Variants in CCDC171 observed in about 807,000 individuals in gnomAD.
CCDC171 encodes coiled-coil domain-containing protein 171.
CCDC171 carries 177 observed loss-of-function variants against 168.2 expected under a neutral mutation model. The observed-to-expected ratio is 1.05, with a 90% CI of 0.93 to 1.19. The LOEUF is 1.19. Ranked by LOEUF, CCDC171 falls within the 50% of genes most tolerant of loss-of-function variation. The pLI, the probability that CCDC171 is intolerant of heterozygous loss-of-function variation, is 0.00. For synonymous variants in CCDC171, 687 were observed against 540.8 expected, an observed-to-expected ratio of 1.27 and a Z score of -3.75; for missense variants, 1,991 against 1,539.0, an observed-to-expected ratio of 1.29 and a Z score of -4.91.
chr9:15,884,488 T>A (rs1819127965), intron 24 of CCDC171, among the ~76,000 whole-genome samples: 1 of 152,178 alleles, frequency 6.6e-6, no homozygotes, highest in Non-Finnish European at 1.5e-5. Flanking sequence ...TCTGTGCAAT[T>A]TACTGTATGT....
intron 10 of CCDC171, among the ~76,000 whole-genome samples, chr9:15,693,947 CT>C (rs2051017431): frequency 6.6e-6 from 1 of 152,016 alleles, no homozygotes; most frequent in Non-Finnish European, 1.5e-5. Context: ...AGGCTTACTC[CT>C]TCTTTAACCT....
intron 6 of CCDC171, among the ~76,000 whole-genome samples, chr9:16,029,320 A>G (rs1011540109): frequency 1.5e-5 from 2 of 134,898 alleles, no homozygotes; most frequent in Non-Finnish European, 3.3e-5. Flanking sequence ...GTCTTAGATG[A>G]TTCAGACATC....
chr9:15,756,968 A>G (rs1049057347), intron 18 of CCDC171, among the ~76,000 whole-genome samples: 1 of 152,166 alleles, frequency 6.6e-6, no homozygotes, highest in Non-Finnish European at 1.5e-5. Context: ...TATAAATCCA[A>G]TAAACCTCTT....
chr9:15,605,453 G>C (rs1202858396), intron 6 of CCDC171, among the ~76,000 whole-genome samples: 1 of 149,982 alleles, frequency 6.7e-6, no homozygotes, highest in Non-Finnish European at 1.5e-5. Context: ...GCTGAGGCGG[G>C]CAGATCATGA....
chr9:15,770,871 A>G (rs1439686900), intron 18 of CCDC171, among the ~76,000 whole-genome samples: 1 of 152,200 alleles, frequency 6.6e-6, no homozygotes, highest in Non-Finnish European at 1.5e-5. Flanking sequence ...AACCATTCTT[A>G]ACATTTTGAT....
chr9:15,865,089 A>G (rs76310517), intron 23 of CCDC171, among the ~76,000 whole-genome samples: 2,239 of 152,164 alleles, frequency 0.015, 51 homozygotes, highest in African/African-American at 0.048. Flanking sequence ...TAAAAACTCC[A>G]TAAGACCTTG....
intron 21 of CCDC171, among the ~76,000 whole-genome samples, chr9:15,837,064 C>T (rs1266626202): frequency 6.6e-6 from 1 of 152,130 alleles, no homozygotes. Flanking sequence ...TAGTTATCTC[C>T]GGGAGTCATA....
chr9:15,607,970 A>G (rs1323394523), intron 6 of CCDC171, among the ~76,000 whole-genome samples: 1 of 152,148 alleles, frequency 6.6e-6, no homozygotes, highest in Non-Finnish European at 1.5e-5. Context: ...GGAGGCTGAG[A>G]CATCTAATGT....
At chr9:15,681,298 G>C (rs2050025389) in intron 10 of CCDC171, among the ~76,000 whole-genome samples, 1 of 152,068 alleles carries the variant, frequency 6.6e-6, no homozygotes, top group Non-Finnish European at 1.5e-5. Flanking sequence ...TGCCGAATGG[G>C]ATGTTCGAAA....
rs114625663 is a variant in CCDC171, at chr9:15,823,505, A to G, written c.3268-23197A>G. Among the ~76,000 whole-genome samples the G allele has an allele frequency of 1.7e-3, 259 of 152,244 alleles. 3 individuals carry two copies. Among genetic ancestry groups the G allele is most frequent in the African/African-American group, 6.1e-3 (253 of 41,572 alleles). On this transcript the variant is annotated intron_variant, in intron 21 of 25. Transcript: ENST00000380701. ...ATTACTGAGCACATATACCTTGGCT[A>G]GGCACATTGCAAGGCACTTCATATT...
At chr9:15,930,917 A>G (rs899226886) in intron 25 of CCDC171, among the ~76,000 whole-genome samples, 1 of 151,680 alleles carries the variant, frequency 6.6e-6, no homozygotes, top group Admixed American at 6.6e-5. Context: ...CAGTCAGGGT[A>G]GTTAGTGTAT....
rs148618243 is a variant in CCDC171, at chr9:15,797,215, A to T, written c.3267+12521A>T. 1.0e-3 allele frequency among the ~76,000 whole-genome samples: 153 copies of T among 152,176 alleles called. 2 individuals are homozygous for T. The highest frequency in any genetic ancestry group is 3.4e-3 in the African/African-American group (140 of 41,532). ...ATCTGTTCAAACCATGTGATATTTG[A>T]TTGATTGACTGATTTTTTTGAGACA... On this transcript the variant is annotated intron_variant, in intron 21 of 25. Coordinates refer to ENST00000380701, the MANE Select transcript of CCDC171 (RefSeq NM_173550.4).
chr9:15,822,830 G>A (rs1440993565), intron 21 of CCDC171, among the ~76,000 whole-genome samples: 1 of 152,060 alleles, frequency 6.6e-6, no homozygotes, highest in African/African-American at 2.4e-5. Flanking sequence ...CCATCGCATT[G>A]CTGGGTATAT....
At chr9:15,569,848 A>AAAC (rs1563957682) in intron 2 of CCDC171, among the ~76,000 whole-genome samples, 34 of 137,722 alleles carry the variant, frequency 2.5e-4, no homozygotes, top group African/African-American at 1.1e-3. Context: ...CAAACAAACA[A>AAAC]AAAAAAAATT....
At chr9:16,033,734 C>T (rs1281091038) in intron 6 of CCDC171, among the ~76,000 whole-genome samples, 2 of 151,868 alleles carry the variant, frequency 1.3e-5, no homozygotes, top group African/African-American at 2.4e-5. Context: ...AAAACCAGTC[C>T]CTGGTGCCGA....
chr9:15,688,115 T>A (rs2050534504), intron 10 of CCDC171, among the ~76,000 whole-genome samples: 1 of 37,110 alleles, frequency 2.7e-5, no homozygotes, highest in Non-Finnish European at 5.0e-5. Context: ...CAAGACTCCA[T>A]CTCAAAAAAA....
In CCDC171 at chr9:15,564,059, C is replaced by T. The variant is rs772037152; in HGVS notation, c.-30C>T. 2.6e-6 allele frequency: 4 copies of T among 1,550,940 alleles called. No individual in the cohort carries two copies. The East Asian group carries it at 6.8e-5, about 26-fold the overall frequency. Reference sequence around the variant, plus strand: ...AAAGAAATATGTCATTAAGAAATAGCAGGGTATTTTGAAAGAGTTGGAAAA... The same window carrying T: ...AAAGAAATATGTCATTAAGAAATAGTAGGGTATTTTGAAAGAGTTGGAAAA... On this transcript the variant is annotated 5_prime_UTR_variant, in exon 2 of 26. Transcript: ENST00000380701.
At chr9:15,560,901 A>C (rs924107164) in intron 1 of CCDC171, among the ~76,000 whole-genome samples, 2 of 152,282 alleles carry the variant, frequency 1.3e-5, no homozygotes, top group South Asian at 2.1e-4. Flanking sequence ...GGTGACATAC[A>C]GATGAGGTTT....
intron 18 of CCDC171, among the ~76,000 whole-genome samples, chr9:15,776,000 A>G (rs1258285553): frequency 1.3e-5 from 2 of 152,210 alleles, no homozygotes; most frequent in African/African-American, 2.4e-5. Flanking sequence ...TGAATATTAT[A>G]GACAAAATAA....
Sources: gnomAD v4.1 joint callset for allele counts (sites outside exome capture counted in the v4.1 genomes callset) on GRCh38, gnomAD v4.1.1 for gene constraint, MANE v1.5 for transcripts, NCBI Gene and HGNC (gene_info 2026-07-23, HGNC 2026-07-21) for gene names.